Variants in NDUFAF7 observed in about 807,000 individuals in gnomAD.
NDUFAF7 encodes NADH:ubiquinone oxidoreductase complex assembly factor 7, also known as protein arginine methyltransferase NDUFAF7, mitochondrial.
In NDUFAF7, 48 loss-of-function variants were observed where a neutral mutation model predicts 47.2. That is an observed-to-expected ratio of 1.02 (90% CI 0.81 to 1.29). NDUFAF7 has a LOEUF of 1.29. NDUFAF7 is among the 50% of genes most tolerant of loss of function. NDUFAF7 has a pLI of 0.00. For missense variants in NDUFAF7, 635 were observed against 537.6 expected, an observed-to-expected ratio of 1.18 and a Z score of -1.79; for synonymous variants, 217 against 190.0, an observed-to-expected ratio of 1.14 and a Z score of -1.17.
intron 2 of NDUFAF7, among the ~76,000 whole-genome samples, chr2:37,235,565 A>G (rs1453964909): frequency 6.6e-6 from 1 of 152,088 alleles, no homozygotes; most frequent in Non-Finnish European, 1.5e-5. Flanking sequence ...GTCAAGGTGT[A>G]ATTGTTTTTC....
intron 2 of NDUFAF7, 67 bp downstream of exon 2, chr2:37,232,333 A>G: frequency 1.9e-6 from 3 of 1,593,864 alleles, no homozygotes; most frequent in Non-Finnish European, 2.6e-6. Context: ...GCCAGGAGGG[A>G]GAAGCCCGAA....
At chr2:37,270,954 G>C in the NDUFAF7 span, among the ~76,000 whole-genome samples, 1 of 152,142 alleles carries the variant, frequency 6.6e-6, no homozygotes, top group Admixed American at 6.5e-5. Context: ...CAAAATTTGA[G>C]TGCTCATGAT....
intron 2 of NDUFAF7, 72 bp downstream of exon 2, chr2:37,232,338 C>G (rs533687995): frequency 6.3e-7 from 1 of 1,585,724 alleles, no homozygotes; most frequent in East Asian, 2.2e-5. Flanking sequence ...GAGGGAGAAG[C>G]CCGAAGGTTC....
chr2:37,254,629 G>C (rs1292424042), downstream of NDUFAF7, among the ~76,000 whole-genome samples: 1 of 152,188 alleles, frequency 6.6e-6, no homozygotes, highest in Non-Finnish European at 1.5e-5. Flanking sequence ...GTTTCCTCAT[G>C]AAGTTGCTGA....
intron 3 of NDUFAF7, among the ~76,000 whole-genome samples, chr2:37,237,043 TC>T (rs1214946337): frequency 1.3e-5 from 2 of 152,164 alleles, no homozygotes; most frequent in Non-Finnish European, 2.9e-5. Context: ...CAATCTCGGC[TC>T]ACTGTAACCT....
intron 7 of NDUFAF7, 71 bp from the exon 8 acceptor site, chr2:37,245,981 A>G: frequency 8.4e-6 from 13 of 1,539,562 alleles, no homozygotes; most frequent in Non-Finnish European, 8.9e-6. Flanking sequence ...TTGAGGAAAA[A>G]CCTGAAAAAC....
chr2:37,234,572 C>T (rs1309412840), intron 2 of NDUFAF7, among the ~76,000 whole-genome samples: 1 of 148,620 alleles, frequency 6.7e-6, no homozygotes, highest in East Asian at 2.2e-4. Context: ...CGTAAATACC[C>T]CAATAATGTT....
At chr2:37,251,321 G>C (rs1204218487), downstream of NDUFAF7, 1 of 152,528 alleles carries the variant, frequency 6.6e-6, no homozygotes, top group African/African-American at 2.4e-5. Context: ...TAATGGTTGG[G>C]AGGGCTAAGG....
At chr2:37,263,772 A>G in the NDUFAF7 span, among the ~76,000 whole-genome samples, 40 of 152,216 alleles carry the variant, frequency 2.6e-4, no homozygotes, top group African/African-American at 8.9e-4. Flanking sequence ...CTGAAGAGAC[A>G]TGCACCTCTG....
rs775343466 is a variant in NDUFAF7, at chr2:37,231,672, T to C, written c.-34T>C. 2.5e-6 allele frequency: 4 copies of C among 1,613,044 alleles called. No homozygotes were observed. In the Admixed American group the frequency reaches 6.7e-5, roughly 27 times the overall value. On this transcript the variant is annotated 5_prime_UTR_variant, in exon 1 of 10. Transcript: ENST00000002125. ...TCCCGGAAATGGTCTAAGCCCCAGC[T>C]CCTGGCGGAGCGAGCTAGCCTGCGA...
chr2:37,240,121 T>C (rs2041840), intron 4 of NDUFAF7, among the ~76,000 whole-genome samples: 109,695 of 152,064 alleles, frequency 0.72, 40,421 homozygotes, highest in East Asian at 0.98. Flanking sequence ...TTATATGTAC[T>C]TGACAATTCA....
At chr2:37,247,710 C>CT (rs1394312165) in intron 9 of NDUFAF7, 81 bp downstream of exon 9, 4 of 1,488,738 alleles carry the variant, frequency 2.7e-6, no homozygotes, top group Non-Finnish European at 3.7e-6. Flanking sequence ...TTCACCTGGC[C>CT]TTAATGCTCT....
chr2:37,237,585 A>C lies in NDUFAF7; in HGVS notation c.298-172A>C, dbSNP rs572601208. Among the ~76,000 whole-genome samples, 7 of 152,330 alleles carry C rather than the reference A, an allele frequency of 4.6e-5. No individual in the cohort carries two copies. The South Asian group carries it at 1.4e-3, about 32-fold the overall frequency. ...TCCTAAATGGTGTATGTTATGATGT[A>C]GTCCCAGGAAGTTCCTATGTGAACA... On this transcript the variant is annotated intron_variant, in intron 3 of 9. Transcript: ENST00000002125.
At chr2:37,255,946 C>T (rs766325514), downstream of NDUFAF7, among the ~76,000 whole-genome samples, 8 of 151,958 alleles carry the variant, frequency 5.3e-5, no homozygotes, top group Admixed American at 2.6e-4. Context: ...CCCAGGAAGT[C>T]GAGGCTGCAG....
downstream of NDUFAF7, chr2:37,251,406 T>TGCCTC (rs1169417001): frequency 1.2e-4 from 18 of 152,566 alleles, 1 homozygote; most frequent in Non-Finnish European, 4.4e-5. Context: ...AATCTCCCCT[T>TGCCTC]GCCTCAGTTT....
chr2:37,243,973 A>T lies in NDUFAF7; in HGVS notation c.792A>T (p.Gln264His). Residue 264 changes from glutamine (Q) to histidine (H), a missense_variant and splice_region_variant, in exon 7 of 10, where the codon CAA becomes CAT. Gln to His is a conservative substitution (Grantham distance 24, BLOSUM62 0). Coordinates refer to ENST00000002125, the MANE Select transcript of NDUFAF7 (RefSeq NM_144736.5). Reference sequence around the variant, plus strand: ...CCACCCCAGCAGAAGCCTTCATACAAGTAAGAATATGCTTTTTTAAGTTTC... The same window carrying T: ...CCACCCCAGCAGAAGCCTTCATACATGTAAGAATATGCTTTTTTAAGTTTC... Reference protein sequence around the residue: ...PSATPAEAFIQHDETRDHVEV... With the variant: ...PSATPAEAFIHHDETRDHVEV... 6.2e-7 allele frequency: 1 copy of T among 1,602,100 alleles called. No individual in the cohort carries two copies. Among genetic ancestry groups the T allele is most frequent in the Non-Finnish European group, 8.6e-7 (1 of 1,169,534 alleles).
downstream of NDUFAF7, among the ~76,000 whole-genome samples, chr2:37,255,176 ATC>A (rs1222940033): frequency 2.6e-5 from 4 of 152,354 alleles, no homozygotes; most frequent in African/African-American, 9.6e-5. Context: ...ATCAAAAAAC[ATC>A]TCTTATGAGC....
intron 4 of NDUFAF7, among the ~76,000 whole-genome samples, chr2:37,238,436 C>G (rs1043727991): frequency 1.3e-5 from 2 of 149,684 alleles, no homozygotes; most frequent in Non-Finnish European, 3.0e-5. Flanking sequence ...GGTGACAGAG[C>G]GAGACTCCGT....
At chr2:37,253,044 G>A, downstream of NDUFAF7, 1 of 884,058 alleles carries the variant, frequency 1.1e-6, no homozygotes, top group Non-Finnish European at 1.7e-6. Flanking sequence ...CTACAGTACT[G>A]GTGTCACTTA....
Sources: allele counts gnomAD v4.1 joint callset (sites outside exome capture counted in the v4.1 genomes callset), GRCh38; gene constraint gnomAD v4.1.1; transcripts MANE v1.5; gene names NCBI Gene and HGNC (gene_info 2026-07-23, HGNC 2026-07-21).